The following HYCC2 variants were observed in gnomAD, a reference collection of about 807,000 sequenced individuals.
The protein encoded by HYCC2 is hyccin 2.
At chr2:200,986,607 T>A in the HYCC2 span, among the ~76,000 whole-genome samples, 3 of 152,194 alleles carry the variant, frequency 2.0e-5, no homozygotes, top group African/African-American at 7.2e-5. Context: ...CCCCTCCATG[T>A]TGCGATACCT....
the HYCC2 span, among the ~76,000 whole-genome samples, chr2:201,010,517 G>A: frequency 6.6e-6 from 1 of 152,102 alleles, no homozygotes; most frequent in Non-Finnish European, 1.5e-5. Flanking sequence ...AGCTCAACAG[G>A]TATCATTTAC....
At chr2:201,005,281 G>T in the HYCC2 span, among the ~76,000 whole-genome samples, 1 of 152,000 alleles carries the variant, frequency 6.6e-6, no homozygotes, top group Non-Finnish European at 1.5e-5. Flanking sequence ...CTGTTTTTCT[G>T]GGGGGGTTTG....
At chr2:201,065,328 A>G in the HYCC2 span, among the ~76,000 whole-genome samples, 6 of 152,340 alleles carry the variant, frequency 3.9e-5, no homozygotes, top group African/African-American at 1.2e-4. Flanking sequence ...TAGATGCACT[A>G]TAGTCTATTT....
chr2:201,027,730 T>C, the HYCC2 span, among the ~76,000 whole-genome samples: 1 of 152,142 alleles, frequency 6.6e-6, no homozygotes, highest in Non-Finnish European at 1.5e-5. Flanking sequence ...ATTATCTCAA[T>C]AGATGCAGAA....
chr2:201,017,735 A>G, the HYCC2 span, among the ~76,000 whole-genome samples: 6 of 152,232 alleles, frequency 3.9e-5, no homozygotes, highest in African/African-American at 1.4e-4. Context: ...TGGAATCAGA[A>G]GAATCCTATG....
the HYCC2 span, chr2:200,973,869 T>C: frequency 6.6e-6 from 1 of 152,152 alleles, no homozygotes; most frequent in Non-Finnish European, 1.5e-5. Flanking sequence ...AGACTGATAC[T>C]GAATTTTATA....
the HYCC2 span, chr2:200,977,994 A>G: frequency 6.6e-6 from 1 of 152,116 alleles, no homozygotes; most frequent in African/African-American, 2.4e-5. Context: ...CACCAACCTA[A>G]TTGTTTTATT....
chr2:201,063,144 G>C, the HYCC2 span: 7 of 1,610,534 alleles, frequency 4.3e-6, no homozygotes, highest in Admixed American at 6.7e-5. Flanking sequence ...CTCTTCATTG[G>C]AGGGTTGAGC....
the HYCC2 span, among the ~76,000 whole-genome samples, chr2:201,060,055 G>C: frequency 2.1e-4 from 18 of 85,776 alleles, no homozygotes; most frequent in East Asian, 2.0e-3. Flanking sequence ...AAAAAAAAGC[G>C]GGGGGGGGGG....
chr2:200,981,693 G>A, the HYCC2 span: 100 of 1,614,004 alleles, frequency 6.2e-5, no homozygotes, highest in Non-Finnish European at 7.6e-5. The surrounding 1 kb of genome is among the most constrained non-coding windows in gnomAD (Gnocchi z 4.5). Context: ...TGATGGCAGA[G>A]GCTGTTTCTT....
At chr2:201,044,088 C>T in the HYCC2 span, among the ~76,000 whole-genome samples, 1 of 152,164 alleles carries the variant, frequency 6.6e-6, no homozygotes, top group Non-Finnish European at 1.5e-5. Flanking sequence ...CTGTATATTA[C>T]ATCACCTGGT....
chr2:201,022,642 G>C, the HYCC2 span: 1 of 428,704 alleles, frequency 2.3e-6, no homozygotes, highest in Non-Finnish European at 4.1e-6. Flanking sequence ...GAAAAAATTT[G>C]ACCAAAACAT....
chr2:200,991,131 T>G, the HYCC2 span, among the ~76,000 whole-genome samples: 1 of 152,204 alleles, frequency 6.6e-6, no homozygotes, highest in Non-Finnish European at 1.5e-5. Flanking sequence ...CTGCTGAAAA[T>G]ATGTTTCTCA....
At chr2:201,022,820 A>G in the HYCC2 span, 1 of 1,503,392 alleles carries the variant, frequency 6.7e-7, no homozygotes, top group Non-Finnish European at 9.2e-7. Context: ...ATTTTTCTTG[A>G]GGTCTCCTAC....
the HYCC2 span, among the ~76,000 whole-genome samples, chr2:200,990,595 T>G: frequency 6.6e-6 from 1 of 151,120 alleles, no homozygotes; most frequent in African/African-American, 2.4e-5. Flanking sequence ...TTTTTTCAAA[T>G]GGGGTCTCAC....
At chr2:201,000,052 C>T in the HYCC2 span, among the ~76,000 whole-genome samples, 97 of 98,370 alleles carry the variant, frequency 9.9e-4, no homozygotes, top group South Asian at 2.0e-3. Flanking sequence ...AGCAAGACTC[C>T]GTCTCAAAAA....
the HYCC2 span, chr2:201,063,507 G>A: frequency 1.2e-5 from 19 of 1,591,740 alleles, no homozygotes; most frequent in Admixed American, 8.3e-5. Flanking sequence ...ATGACTGACC[G>A]AGGCAGTGGG....
the HYCC2 span, among the ~76,000 whole-genome samples, chr2:201,052,882 A>G: frequency 6.6e-6 from 1 of 152,324 alleles, no homozygotes; most frequent in Non-Finnish European, 1.5e-5. Context: ...ATCCCTCTCT[A>G]GTAGTCAAAC....
the HYCC2 span, among the ~76,000 whole-genome samples, chr2:201,004,858 G>A: frequency 6.6e-6 from 1 of 151,672 alleles, no homozygotes; most frequent in Non-Finnish European, 1.5e-5. Context: ...TCTACTAAAA[G>A]TACAAAAAAT....
Sources: gnomAD v4.1 joint callset for allele counts (sites outside exome capture counted in the v4.1 genomes callset) on GRCh38, gnomAD v4.1.1 for gene constraint, Gnocchi (gnomAD v3.1) non-coding constraint, MANE v1.5 for transcripts, NCBI Gene and HGNC (gene_info 2026-07-23, HGNC 2026-07-21) for gene names.